Variants in ELOVL7 observed in about 807,000 individuals in gnomAD.
ELOVL7 encodes ELOVL fatty acid elongase 7.
A neutral mutation model predicts 35.7 loss-of-function variants in ELOVL7; 27 were observed. The observed-to-expected ratio is 0.76, with a 90% CI of 0.56 to 1.04. The LOEUF (loss-of-function observed/expected upper bound fraction) is 1.04, where lower values mean the gene tolerates loss of function less well. ELOVL7 is among the 50% of genes least tolerant of loss of function. The pLI is 0.00. For missense variants in ELOVL7, 327 were observed against 340.8 expected (o/e 0.96, Z 0.32); for synonymous variants, 113 against 114.6 (o/e 0.99, Z 0.09).
intron 8 of ELOVL7, among the ~76,000 whole-genome samples, chr5:60,755,455 G>A (rs1247318012): frequency 1.3e-5 from 2 of 152,028 alleles, no homozygotes; most frequent in East Asian, 1.9e-4. Flanking sequence ...TTAGGAGTTC[G>A]AGACCAGCCT....
At chr5:60,760,450 T>C (rs1260522051) in intron 7 of ELOVL7, among the ~76,000 whole-genome samples, 2 of 152,234 alleles carry the variant, frequency 1.3e-5, no homozygotes, top group African/African-American at 4.8e-5. Flanking sequence ...TTGAGAAGTG[T>C]CTGTTCATGT....
At chr5:60,774,222 C>A (rs1417028534) in intron 3 of ELOVL7, among the ~76,000 whole-genome samples, 1 of 152,146 alleles carries the variant, frequency 6.6e-6, no homozygotes, top group Non-Finnish European at 1.5e-5. Context: ...AGGCCAATAT[C>A]TCTCATGAAC....
chr5:60,789,403 T>G (rs1052884256), intron 2 of ELOVL7, among the ~76,000 whole-genome samples: 1 of 152,246 alleles, frequency 6.6e-6, no homozygotes, highest in East Asian at 1.9e-4. Flanking sequence ...ATTTTTTGTC[T>G]ATTGAATAGG....
At chr5:60,819,231 C>G (rs1745745640) in intron 1 of ELOVL7, among the ~76,000 whole-genome samples, 1 of 151,644 alleles carries the variant, frequency 6.6e-6, no homozygotes, top group African/African-American at 2.4e-5. Flanking sequence ...CATTTCCCAA[C>G]CTAGCATAGA....
At chr5:60,818,101 T>TGAGGTCAGGAGTTC (rs1168527996) in intron 1 of ELOVL7, among the ~76,000 whole-genome samples, 20 of 151,656 alleles carry the variant, frequency 1.3e-4, no homozygotes, top group Non-Finnish European at 2.5e-4. Context: ...GTGGATCACT[T>TGAGGTCAGGAGTTC]GAGGTCAGGA....
intron 7 of ELOVL7, 98 bp downstream of exon 7, chr5:60,764,129 T>G (rs1742088000): frequency 1.3e-6 from 1 of 781,278 alleles, no homozygotes; most frequent in Non-Finnish European, 2.1e-6. Flanking sequence ...TCTTTGATTT[T>G]TTTGAGTTTC....
At chr5:60,822,212 C>T (rs1478013229) in intron 1 of ELOVL7, among the ~76,000 whole-genome samples, 2 of 152,126 alleles carry the variant, frequency 1.3e-5, no homozygotes, top group Non-Finnish European at 2.9e-5. Context: ...TAGTCAAATG[C>T]ACTGAGAAAG....
At chr5:60,783,692 C>T (rs1208463741) in intron 3 of ELOVL7, among the ~76,000 whole-genome samples, 2 of 152,138 alleles carry the variant, frequency 1.3e-5, no homozygotes, top group Admixed American at 6.5e-5. Context: ...TAGCAAGGCA[C>T]ACCTCTATTT....
chr5:60,793,621 G>A (rs542960539), intron 2 of ELOVL7, among the ~76,000 whole-genome samples: 1 of 152,228 alleles, frequency 6.6e-6, no homozygotes, highest in African/African-American at 2.4e-5. Context: ...AGGGGATGTG[G>A]ACCTCCTACA....
intron 1 of ELOVL7, among the ~76,000 whole-genome samples, chr5:60,817,279 C>CA (rs1461376125): frequency 6.7e-6 from 1 of 148,258 alleles, no homozygotes; most frequent in Non-Finnish European, 1.5e-5. Flanking sequence ...AAAAAAGATA[C>CA]AAAAAACAGA....
In ELOVL7 at chr5:60,794,975, C is replaced by G. The variant is rs192644362; in HGVS notation, c.-35+4205G>C. On this transcript the variant is annotated intron_variant, in intron 2 of 8. Coordinates refer to ENST00000508821, the MANE Select transcript of ELOVL7 (RefSeq NM_024930.3). ...GGGGATGGGGTGTTTGAAACTTTAC[C>G]CTTGTACAGAGTAAGGGAGGAGAAG... 6.8e-4 allele frequency among the ~76,000 whole-genome samples: 104 copies of G among 152,248 alleles called. 1 individual carries two copies. The highest frequency in any genetic ancestry group is 3.9e-3 in the South Asian group (19 of 4,818).
chr5:60,782,354 A>G (rs529951396), intron 3 of ELOVL7, among the ~76,000 whole-genome samples: 1 of 152,338 alleles, frequency 6.6e-6, no homozygotes, highest in Admixed American at 6.5e-5. Flanking sequence ...TCTATAAAAA[A>G]CTAAAAATAG....
At chr5:60,776,503 A>C (rs1050733430) in intron 3 of ELOVL7, among the ~76,000 whole-genome samples, 10 of 152,238 alleles carry the variant, frequency 6.6e-5, no homozygotes, top group African/African-American at 2.4e-4. Flanking sequence ...GATAAAGAAA[A>C]TGTGGTACAT....
intron 1 of ELOVL7, among the ~76,000 whole-genome samples, chr5:60,827,718 T>C (rs563794285): frequency 6.6e-5 from 10 of 152,310 alleles, no homozygotes; most frequent in African/African-American, 2.4e-4. Flanking sequence ...CAAATGAGCA[T>C]GTAATTTATT....
chr5:60,793,103 A>G (rs533018435), intron 2 of ELOVL7, among the ~76,000 whole-genome samples: 1 of 152,232 alleles, frequency 6.6e-6, no homozygotes, highest in East Asian at 1.9e-4. Context: ...GAGTTTGAGG[A>G]GTGGGAGGCC....
At chr5:60,781,275 T>C (rs1210560642) in intron 3 of ELOVL7, among the ~76,000 whole-genome samples, 1 of 151,876 alleles carries the variant, frequency 6.6e-6, no homozygotes, top group Non-Finnish European at 1.5e-5. Context: ...GGATGTTACA[T>C]CACCACCTTT....
At chr5:60,824,283 A>G (rs1746044859) in intron 1 of ELOVL7, among the ~76,000 whole-genome samples, 1 of 152,222 alleles carries the variant, frequency 6.6e-6, no homozygotes, top group Non-Finnish European at 1.5e-5. Flanking sequence ...AAAGGTTATC[A>G]CAGTTGAGTC....
intron 2 of ELOVL7, among the ~76,000 whole-genome samples, chr5:60,792,042 T>C (rs1344357115): frequency 6.6e-6 from 1 of 152,062 alleles, no homozygotes; most frequent in Non-Finnish European, 1.5e-5. Context: ...GAAAGCTGGT[T>C]TCTCCAATCC....
chr5:60,762,871 A>G (rs1742011103), intron 7 of ELOVL7, among the ~76,000 whole-genome samples: 1 of 152,214 alleles, frequency 6.6e-6, no homozygotes, highest in Non-Finnish European at 1.5e-5. Context: ...AAGTAATAAT[A>G]ACCACTCTAT....
Sources: allele counts gnomAD v4.1 joint callset (sites outside exome capture counted in the v4.1 genomes callset), GRCh38; gene constraint gnomAD v4.1.1; transcripts MANE v1.5; gene names NCBI Gene and HGNC (gene_info 2026-07-23, HGNC 2026-07-21).